OSTM1: variants seen among roughly 807,000 people sequenced by gnomAD.
OSTM1 encodes osteoclastogenesis associated transmembrane protein 1.
A neutral mutation model predicts 35.4 loss-of-function variants in OSTM1; 26 were observed. That is an observed-to-expected ratio of 0.73 (90% CI 0.54 to 1.02). The LOEUF (loss-of-function observed/expected upper bound fraction) is 1.02, where lower values mean the gene tolerates loss of function less well. Ranked by LOEUF, OSTM1 falls within the 50% of genes least tolerant of loss-of-function variation. The pLI, the probability that OSTM1 is intolerant of heterozygous loss-of-function variation, is 0.00. For synonymous variants in OSTM1, 181 were observed against 165.0 expected, an observed-to-expected ratio of 1.10 and a Z score of -0.75; for missense variants, 366 against 409.6, an observed-to-expected ratio of 0.89 and a Z score of 0.92.
intron 1 of OSTM1, among the ~76,000 whole-genome samples, chr6:108,069,078 C>T (rs751697732): frequency 1.8e-4 from 27 of 152,174 alleles, no homozygotes; most frequent in Non-Finnish European, 3.5e-4. Context: ...ATTCTACCTA[C>T]CCCCCAGTCA....
chr6:108,056,956 C>T (rs1772180475), intron 2 of OSTM1, among the ~76,000 whole-genome samples: 1 of 152,172 alleles, frequency 6.6e-6, no homozygotes, highest in Non-Finnish European at 1.5e-5. Context: ...TAAAAATAGG[C>T]CAGCATGGTG....
intron 2 of OSTM1, among the ~76,000 whole-genome samples, chr6:108,063,280 G>A (rs9400188): frequency 0.041 from 6,185 of 152,300 alleles, 433 homozygotes; most frequent in Admixed American, 0.19. Context: ...GCTTCCCAAA[G>A]TGCTGGGATT....
At chr6:108,051,001 T>C (rs756049336) in intron 4 of OSTM1, 30 bp downstream of exon 4, 219 of 1,549,208 alleles carry the variant, frequency 1.4e-4, no homozygotes, top group Non-Finnish European at 1.8e-4. Context: ...CACTCTAAAA[T>C]ATGTATCACA....
In OSTM1 at chr6:108,059,003, T is replaced by C. The variant is rs77701524; in HGVS notation, c.518-4416A>G. On this transcript the variant is annotated intron_variant, in intron 2 of 5. Coordinates refer to ENST00000193322, the MANE Select transcript of OSTM1 (RefSeq NM_014028.4). ...TATCACTGAAGATATAGGTTGCTCA[T>C]AAAGAAAGAGTTTTCAGTGTGTAAG... is the stretch of plus-strand genomic sequence containing the variant. 6.7e-3 allele frequency among the ~76,000 whole-genome samples: 1,019 copies of C among 152,302 alleles called. 11 individuals are homozygous for C. Among genetic ancestry groups the C allele is most frequent in the African/African-American group, 0.023 (975 of 41,576 alleles).
At chr6:108,059,559 C>T (rs1025048073) in intron 2 of OSTM1, among the ~76,000 whole-genome samples, 6 of 152,142 alleles carry the variant, frequency 3.9e-5, no homozygotes, top group Non-Finnish European at 8.8e-5. Flanking sequence ...TTAAGCAGAA[C>T]AGAAAGATAG....
At chr6:108,054,608 G>A (rs1264053492) in intron 2 of OSTM1, 21 bp from the exon 3 acceptor site, 4 of 1,141,866 alleles carry the variant, frequency 3.5e-6, no homozygotes, top group Non-Finnish European at 2.6e-6. Context: ...AATTCAAAAA[G>A]TATATTAATA....
chr6:108,047,675 G>A (rs143351745), intron 5 of OSTM1, among the ~76,000 whole-genome samples: 1 of 152,260 alleles, frequency 6.6e-6, no homozygotes, highest in African/African-American at 2.4e-5. Flanking sequence ...GACGGACTAA[G>A]CAGAACTGGC....
At chr6:108,074,000 CAGGA>C (rs1772535780) in intron 1 of OSTM1, among the ~76,000 whole-genome samples, 1 of 152,124 alleles carries the variant, frequency 6.6e-6, no homozygotes, top group Non-Finnish European at 1.5e-5. Flanking sequence ...GTTGGGGAAT[CAGGA>C]CCCCCAAGAA....
chr6:108,059,448 G>GAGT (rs749486296), intron 2 of OSTM1, among the ~76,000 whole-genome samples: 24 of 152,258 alleles, frequency 1.6e-4, no homozygotes, highest in Admixed American at 7.2e-4. Context: ...AAAGGGATGG[G>GAGT]AGTAGTACAT....
At chr6:108,064,696 CAAAGT>C (rs1263474136) in intron 1 of OSTM1, among the ~76,000 whole-genome samples, 2 of 152,188 alleles carry the variant, frequency 1.3e-5, no homozygotes, top group Non-Finnish European at 2.9e-5. Context: ...TTAATTCTTT[CAAAGT>C]TATTTAACTC....
At chr6:108,046,253 C>G (rs1199619812) in intron 5 of OSTM1, among the ~76,000 whole-genome samples, 1 of 149,210 alleles carries the variant, frequency 6.7e-6, no homozygotes, top group Non-Finnish European at 1.5e-5. Context: ...ATCTCCTGAC[C>G]TCATGATCCG....
At chr6:108,063,097 T>C (rs1320302343) in intron 2 of OSTM1, among the ~76,000 whole-genome samples, 1 of 152,010 alleles carries the variant, frequency 6.6e-6, no homozygotes, top group Non-Finnish European at 1.5e-5. Context: ...ACTGCATCCT[T>C]GAATTCCTGG....
intron 2 of OSTM1, among the ~76,000 whole-genome samples, chr6:108,055,888 T>A (rs1255759615): frequency 6.6e-6 from 1 of 152,214 alleles, no homozygotes; most frequent in Non-Finnish European, 1.5e-5. Flanking sequence ...TTGTTCCCCT[T>A]AATTTCAACA....
chr6:108,057,422 G>A (rs1179108757), intron 2 of OSTM1, among the ~76,000 whole-genome samples: 1 of 152,134 alleles, frequency 6.6e-6, no homozygotes, highest in Non-Finnish European at 1.5e-5. Flanking sequence ...CACAACAGTT[G>A]TACATCTGTG....
intron 1 of OSTM1, among the ~76,000 whole-genome samples, chr6:108,066,944 A>G (rs180975071): frequency 2.0e-5 from 3 of 152,296 alleles, no homozygotes; most frequent in East Asian, 3.9e-4. Context: ...AGAACTCTTA[A>G]TACTCAAATC....
Position 108,054,532 on chromosome 6 carries a change from A to G in OSTM1, c.573T>C (p.Asn191=). Residue 191 remains asparagine, a synonymous_variant, in exon 3 of 6, where the codon AAT becomes AAC. Transcript: ENST00000193322. Reference sequence around the variant, plus strand: ...AGCAGGTCAGGGTGTGATTAAATAGATTAAGGAAATATACTGTGCTGTTTG... The same window carrying G: ...AGCAGGTCAGGGTGTGATTAAATAGGTTAAGGAAATATACTGTGCTGTTTG... ...ELSNSTVYFL[N]LFNHTLTCFE... 1 of 1,571,228 alleles carries G rather than the reference A, an allele frequency of 6.4e-7. No homozygotes were observed. Among genetic ancestry groups the G allele is most frequent in the Non-Finnish European group, 8.7e-7 (1 of 1,143,878 alleles).
chr6:108,062,869 TA>T (rs1462500473), intron 2 of OSTM1, among the ~76,000 whole-genome samples: 1 of 152,022 alleles, frequency 6.6e-6, no homozygotes, highest in Non-Finnish European at 1.5e-5. Context: ...CTAAGCAGTA[TA>T]AAAAATGTTG....
At chr6:108,059,093 T>G (rs1356238663) in intron 2 of OSTM1, among the ~76,000 whole-genome samples, 1 of 152,236 alleles carries the variant, frequency 6.6e-6, no homozygotes, top group Non-Finnish European at 1.5e-5. Flanking sequence ...TACTGGATAC[T>G]GCTTACCAAA....
At chr6:108,062,364 T>C (rs1307174475) in intron 2 of OSTM1, among the ~76,000 whole-genome samples, 1 of 152,166 alleles carries the variant, frequency 6.6e-6, no homozygotes, top group Non-Finnish European at 1.5e-5. Context: ...TTCATTATGC[T>C]ACTCAGAATC....
Sources: allele counts gnomAD v4.1 joint callset (sites outside exome capture counted in the v4.1 genomes callset), GRCh38; gene constraint gnomAD v4.1.1; transcripts MANE v1.5; gene names NCBI Gene and HGNC (gene_info 2026-07-23, HGNC 2026-07-21).